Variants in PARD3B observed in about 807,000 individuals in gnomAD.
PARD3B encodes the protein par-3 family cell polarity regulator beta.
Under a neutral mutation model 130.2 loss-of-function variants are expected in PARD3B, and 103 were observed. The observed-to-expected ratio is 0.79, with a 90% confidence interval of 0.67 to 0.93. The LOEUF is 0.93. PARD3B is among the 40% of genes least tolerant of loss of function. The pLI, the probability that PARD3B is intolerant of heterozygous loss-of-function variation, is 0.00. For synonymous variants in PARD3B, 583 were observed against 553.2 expected (o/e 1.05, Z -0.76); for missense variants, 1,609 against 1,499.2 (o/e 1.07, Z -1.21).
At chr2:205,014,634 AT>A (rs1343664154) in intron 3 of PARD3B, among the ~76,000 whole-genome samples, 1 of 152,224 alleles carries the variant, frequency 6.6e-6, no homozygotes, top group East Asian at 1.9e-4. Flanking sequence ...TTCAACAAGT[AT>A]TTATTGAGCA....
At chr2:204,713,156 A>G (rs912533964) in intron 2 of PARD3B, among the ~76,000 whole-genome samples, 4 of 152,044 alleles carry the variant, frequency 2.6e-5, no homozygotes, top group African/African-American at 7.2e-5. Flanking sequence ...TTCAACACGC[A>G]TGTTTTGCCC....
chr2:204,923,998 G>C (rs1313986931), intron 2 of PARD3B, among the ~76,000 whole-genome samples: 2 of 152,008 alleles, frequency 1.3e-5, no homozygotes, highest in East Asian at 1.9e-4. Context: ...AGTATTTGAT[G>C]CATGATATTT....
chr2:204,733,083 T>A (rs968455100), intron 2 of PARD3B, among the ~76,000 whole-genome samples: 4 of 152,066 alleles, frequency 2.6e-5, no homozygotes, highest in African/African-American at 9.7e-5. Context: ...ATGCTCAGCC[T>A]AATGAAATCA....
intron 18 of PARD3B, among the ~76,000 whole-genome samples, chr2:205,361,410 T>C (rs111711970): frequency 8.5e-5 from 13 of 152,192 alleles, no homozygotes; most frequent in Non-Finnish European, 1.6e-4. Flanking sequence ...ATCTCCCTAC[T>C]CTTCTGGACA....
intron 22 of PARD3B, among the ~76,000 whole-genome samples, chr2:205,607,660 C>T (rs1211109692): frequency 1.3e-5 from 2 of 152,182 alleles, no homozygotes; most frequent in African/African-American, 4.8e-5. Context: ...TGAATCTTTG[C>T]AATTCTAAAC....
intron 19 of PARD3B, among the ~76,000 whole-genome samples, chr2:205,401,754 G>C (rs116510722): frequency 2.2e-4 from 33 of 152,226 alleles, no homozygotes; most frequent in Admixed American, 7.2e-4. Flanking sequence ...GGCACTTATC[G>C]CAAGTGGATG....
At chr2:205,289,184 T>C (rs1285840783) in intron 16 of PARD3B, among the ~76,000 whole-genome samples, 1 of 152,174 alleles carries the variant, frequency 6.6e-6, no homozygotes, top group Non-Finnish European at 1.5e-5. Context: ...AGATAGAAGA[T>C]GATTTGAAAA....
chr2:205,270,001 G>A (rs1024299693), intron 16 of PARD3B, among the ~76,000 whole-genome samples: 1 of 152,132 alleles, frequency 6.6e-6, no homozygotes, highest in Non-Finnish European at 1.5e-5. Context: ...GAGTGTAATT[G>A]GCTTGTTTGT....
chr2:205,192,539 A>T (rs2036452473), intron 14 of PARD3B, among the ~76,000 whole-genome samples: 1 of 152,244 alleles, frequency 6.6e-6, no homozygotes. Flanking sequence ...AATAAATAAA[A>T]TATTCAGCAG....
chr2:204,801,142 G>A (rs914554590), intron 2 of PARD3B, among the ~76,000 whole-genome samples: 11 of 152,130 alleles, frequency 7.2e-5, no homozygotes, highest in Non-Finnish European at 1.0e-4. Context: ...TTTAAGTCAG[G>A]TAGAGTGATA....
chr2:205,504,889 G>C (rs1218039689), intron 21 of PARD3B, among the ~76,000 whole-genome samples: 3 of 152,036 alleles, frequency 2.0e-5, no homozygotes, highest in Non-Finnish European at 4.4e-5. Flanking sequence ...CCCATTACTG[G>C]GTATATACCC....
intron 20 of PARD3B, among the ~76,000 whole-genome samples, chr2:205,477,837 G>A (rs1381853529): frequency 6.6e-6 from 1 of 152,228 alleles, no homozygotes; most frequent in Non-Finnish European, 1.5e-5. Flanking sequence ...CTTGGATAAA[G>A]CTTTTTGGTT....
In PARD3B at chr2:204,894,191, C is replaced by T. The variant is rs560063491; in HGVS notation, c.223-70961C>T. Among the ~76,000 whole-genome samples the T allele has an allele frequency of 2.6e-5, 4 of 152,050 alleles. No individual in the cohort carries two copies. The South Asian group carries it at 8.3e-4, about 32-fold the overall frequency. The stretch of plus-strand genomic sequence containing the variant: ...TTAAGGGTTTTTTTGATGAATTATA[C>T]ATGTTGGTATTCAGAGATTAATGGT... On this transcript the variant is annotated intron_variant, in intron 2 of 22. Transcript: ENST00000406610.
chr2:204,932,035 T>C (rs1187811992), intron 2 of PARD3B, among the ~76,000 whole-genome samples: 4 of 152,108 alleles, frequency 2.6e-5, no homozygotes, highest in Admixed American at 2.6e-4. Flanking sequence ...TTGTCTACAT[T>C]TGCCGAATTC....
At position 205,405,613 on chromosome 2, in the gene PARD3B, C is replaced by A. The variant is rs1428663779; in HGVS notation, c.2741+4490C>A. ...CTAAGCTTGCAAGAATAATTTTTTT[C>A]GTTAAAATTTATTTTTAACCTTGGC... is the stretch of plus-strand genomic sequence containing the variant. On this transcript the variant is annotated intron_variant, in intron 19 of 22. Coordinates refer to ENST00000406610, the MANE Select transcript of PARD3B (RefSeq NM_001302769.2). This position sits in a 1 kb window ranked among gnomAD's most constrained non-coding sequence, Gnocchi z 4.1. 6.6e-6 allele frequency among the ~76,000 whole-genome samples: 1 copy of A among 152,042 alleles called. No homozygotes were observed.
intron 1 of PARD3B, among the ~76,000 whole-genome samples, chr2:204,615,303 A>G (rs975569373): frequency 3.3e-5 from 5 of 152,154 alleles, no homozygotes; most frequent in Non-Finnish European, 5.9e-5. Context: ...AATCATATCA[A>G]TGCTTTTCCT....
intron 3 of PARD3B, among the ~76,000 whole-genome samples, chr2:205,004,790 C>G (rs1157012140): frequency 6.6e-6 from 1 of 152,200 alleles, no homozygotes; most frequent in Non-Finnish European, 1.5e-5. Flanking sequence ...AGCATCTCAG[C>G]TGAAATGAGA....
In PARD3B at chr2:205,261,122, A is replaced by T. The variant is rs908315343; in HGVS notation, c.2185+15300A>T. ...CCTATGAACAAATCAACCCATTTAAATGTGCATTTTTAATCTATCCAAGAT... is the reference window on the plus strand; with the variant it reads ...CCTATGAACAAATCAACCCATTTAATTGTGCATTTTTAATCTATCCAAGAT... On this transcript the variant is annotated intron_variant, in intron 16 of 22. Transcript: ENST00000406610. Among the ~76,000 whole-genome samples, 4 of 152,098 alleles carry T rather than the reference A, an allele frequency of 2.6e-5. No homozygotes were observed. In the South Asian group the frequency reaches 8.3e-4, roughly 31 times the overall value.
chr2:205,093,275 A>G (rs1279665873), intron 4 of PARD3B, among the ~76,000 whole-genome samples: 1 of 152,162 alleles, frequency 6.6e-6, no homozygotes, highest in Non-Finnish European at 1.5e-5. Flanking sequence ...ACCCCTTGCA[A>G]GTAGAGTATC....
Sources: gnomAD v4.1 joint callset for allele counts (sites outside exome capture counted in the v4.1 genomes callset) on GRCh38, gnomAD v4.1.1 for gene constraint, Gnocchi (gnomAD v3.1) non-coding constraint, MANE v1.5 for transcripts, NCBI Gene and HGNC (gene_info 2026-07-23, HGNC 2026-07-21) for gene names.